The following GRIA1 variants were observed in gnomAD, a reference collection of about 807,000 sequenced individuals.
GRIA1 encodes the protein glutamate receptor 1.
GRIA1 carries 31 observed loss-of-function variants against 99.2 expected under a neutral mutation model. The ratio of observed to expected loss-of-function variants is 0.31; its 90% CI spans 0.23 to 0.42. The LOEUF (loss-of-function observed/expected upper bound fraction) is 0.42. GRIA1 is among the 10% of genes least tolerant of loss of function. The probability of loss-of-function intolerance (pLI) is 1.00; values close to 1 mark genes in which losing one functional copy is unlikely to be tolerated. For synonymous variants in GRIA1, 438 were observed against 432.4 expected (o/e 1.01, Z -0.16); for missense variants, 782 against 1,157.5 (o/e 0.68, Z 4.71).
chr5:153,516,500 A>C (rs888291712), intron 2 of GRIA1, among the ~76,000 whole-genome samples: 4 of 152,008 alleles, frequency 2.6e-5, no homozygotes, highest in African/African-American at 9.7e-5. Context: ...TGATCCTAAA[A>C]ACACCACACA....
In GRIA1 at chr5:153,737,782, G is replaced by A. The variant is rs145547489; in HGVS notation, c.1824-26652G>A. On this transcript the variant is annotated intron_variant, in intron 11 of 15. Transcript: ENST00000285900. ...TATTCCTTCTTGTGTTTTACATACA[G>A]ATGGGGAAACAGGCTTGAAATGAAG... 8.5e-3 allele frequency among the ~76,000 whole-genome samples: 1,295 copies of A among 152,274 alleles called. 7 individuals carry two copies. The highest frequency in any genetic ancestry group is 0.014 in the South Asian group (67 of 4,830).
intron 11 of GRIA1, among the ~76,000 whole-genome samples, chr5:153,747,600 G>A (rs1255115589): frequency 2.0e-5 from 3 of 152,200 alleles, no homozygotes; most frequent in African/African-American, 4.8e-5. Context: ...TATGTTTGGG[G>A]CAAAGTGAAA....
In GRIA1 at chr5:153,770,335, A is replaced by T; in HGVS notation, c.2190A>T (p.Lys730Asn). The T allele has an allele frequency of 6.2e-7, 1 of 1,613,890 alleles. No individual in the cohort carries two copies. The highest frequency in any genetic ancestry group is 8.5e-7 in the Non-Finnish European group (1 of 1,179,878). ...STMNEYIEQR[K>N]PCDTMKVGGN... Reference sequence around the variant, plus strand: ...TGAATGAGTACATTGAGCAGCGGAAACCCTGTGACACCATGAAGGTGGGAG... The same window carrying T: ...TGAATGAGTACATTGAGCAGCGGAATCCCTGTGACACCATGAAGGTGGGAG... Residue 730 changes from lysine (K) to asparagine (N), a missense_variant, in exon 13 of 16, where the codon AAA becomes AAT. Physicochemically the swap from Lys to Asn is moderately conservative, Grantham distance 94 (BLOSUM62 0). Around this residue, in one of 5 missense-constraint regions of GRIA1, gnomAD observed 119 missense variants for 326.6 expected, o/e 0.36. Transcript: ENST00000285900.
intron 2 of GRIA1, among the ~76,000 whole-genome samples, chr5:153,496,827 G>A (rs894155249): frequency 8.5e-5 from 13 of 152,068 alleles, no homozygotes; most frequent in Non-Finnish European, 1.6e-4. Flanking sequence ...ATTAGTAGTT[G>A]CCTTAAATTA....
At chr5:153,765,922 T>C (rs1763487449) in intron 12 of GRIA1, among the ~76,000 whole-genome samples, 1 of 152,156 alleles carries the variant, frequency 6.6e-6, no homozygotes, top group African/African-American at 2.4e-5. Context: ...AGCTAATTAG[T>C]AGCAGAAGGA....
intron 2 of GRIA1, among the ~76,000 whole-genome samples, chr5:153,636,742 T>C (rs765203434): frequency 2.4e-4 from 37 of 152,258 alleles, no homozygotes; most frequent in Non-Finnish European, 4.8e-4. Flanking sequence ...ATAAACATTG[T>C]ATCCCCACCC....
chr5:153,592,499 G>A (rs1764059905), intron 2 of GRIA1, among the ~76,000 whole-genome samples: 1 of 152,206 alleles, frequency 6.6e-6, no homozygotes, highest in South Asian at 2.1e-4. Context: ...TCACTAGTTG[G>A]TAGGACAAGG....
intron 13 of GRIA1, among the ~76,000 whole-genome samples, chr5:153,790,056 G>T (rs1351622277): frequency 1.3e-5 from 2 of 152,196 alleles, no homozygotes; most frequent in Non-Finnish European, 2.9e-5. Flanking sequence ...AGGGCTAGTT[G>T]TAGTTAGTTG....
At chr5:153,549,035 A>G (rs1009796344) in intron 2 of GRIA1, among the ~76,000 whole-genome samples, 9 of 152,318 alleles carry the variant, frequency 5.9e-5, no homozygotes, top group East Asian at 3.9e-4. Flanking sequence ...ACTTGAGTAA[A>G]TACTATACAA....
Position 153,811,108 on chromosome 5 carries a change from C to G in GRIA1, c.2604C>G (p.Ser868Arg), listed in dbSNP as rs1269283691. 1 of 1,613,768 alleles carries G rather than the reference C, an allele frequency of 6.2e-7. No individual in the cohort carries two copies. The highest frequency in any genetic ancestry group is 1.3e-5 in the African/African-American group (1 of 74,932). The change falls in exon 16 of 16, where the codon AGC (serine) becomes AGG (arginine). Residue 868 changes from serine to arginine, a missense_variant. Coordinates refer to ENST00000285900, the MANE Select transcript of GRIA1 (RefSeq NM_000827.4). ...TLPRNSGAGA[S>R]SGGSGENGRV... Reference sequence around the variant, plus strand: ...CCCGCAACAGCGGGGCAGGAGCCAGCAGCGGCGGCAGTGGAGAGAATGGTC... The same window carrying G: ...CCCGCAACAGCGGGGCAGGAGCCAGGAGCGGCGGCAGTGGAGAGAATGGTC...
chr5:153,606,573 C>T (rs1045790939), intron 2 of GRIA1, among the ~76,000 whole-genome samples: 1 of 151,686 alleles, frequency 6.6e-6, no homozygotes, highest in Middle Eastern at 3.4e-3. Context: ...TTATTTTTTT[C>T]AGTAATATTT....
Position 153,775,742 on chromosome 5 carries a change from C to T in GRIA1, c.2270+5327C>T, listed in dbSNP as rs951991489. On this transcript the variant is annotated intron_variant, in intron 13 of 15. Transcript: ENST00000285900. ...TTATCCTACCAATGCCATAAGAGAG[C>T]CAGAAACACTCAAAAAAAAAAAAAA... Among the ~76,000 whole-genome samples the T allele has an allele frequency of 6.3e-5, 9 of 143,232 alleles. 1 individual carries two copies. The highest frequency in any genetic ancestry group is 2.4e-4 in the African/African-American group (9 of 37,872). The allele number at this position is 143,232 out of a possible 152,430, so 94.0% of individuals were successfully genotyped here.
chr5:153,741,216 C>T (rs375493198), intron 11 of GRIA1, among the ~76,000 whole-genome samples: 11 of 151,298 alleles, frequency 7.3e-5, no homozygotes, highest in Non-Finnish European at 1.2e-4. Context: ...CCTAGTGATC[C>T]GCCCACCTCG....
intron 5 of GRIA1, 149 bp downstream of exon 5, chr5:153,656,021 A>G (rs1331926536): frequency 1.5e-6 from 1 of 663,260 alleles, no homozygotes; most frequent in African/African-American, 1.8e-5. Context: ...CTACATTTTT[A>G]TCTTCTCCAC....
intron 8 of GRIA1, among the ~76,000 whole-genome samples, chr5:153,696,189 G>A (rs893905874): frequency 2.0e-5 from 3 of 152,148 alleles, no homozygotes; most frequent in South Asian, 2.1e-4. Flanking sequence ...TCCACGTCTC[G>A]CTTTCTGCAT....
chr5:153,571,749 AT>A (rs144099324), intron 2 of GRIA1, among the ~76,000 whole-genome samples: 1,886 of 152,308 alleles, frequency 0.012, 28 homozygotes, highest in African/African-American at 0.038. Context: ...AAAGCATATT[AT>A]TTTATTAAAA....
chr5:153,665,252 C>A (rs2149475544), intron 5 of GRIA1, among the ~76,000 whole-genome samples: 1 of 152,332 alleles, frequency 6.6e-6, no homozygotes. Flanking sequence ...GTTTGTGAGA[C>A]CCTGACTGAC....
Position 153,675,859 on chromosome 5 carries a change from A to ATT in GRIA1, c.862-1121_862-1120dup, listed in dbSNP as rs11409143. Among the ~76,000 whole-genome samples, 603 of 145,664 alleles carry ATT rather than the reference A, an allele frequency of 4.1e-3. 2 individuals carry two copies. The highest frequency in any genetic ancestry group is 0.012 in the African/African-American group (472 of 39,490). Reference sequence around the variant, plus strand: ...GACAAAAATAACCAAATGTAATTTAATTTTTTTTTTTTTTTGAGATGGAGT... The same window carrying ATT: ...GACAAAAATAACCAAATGTAATTTAATTTTTTTTTTTTTTTTTGAGATGGAGT... On this transcript the variant is annotated intron_variant, in intron 6 of 15. Transcript: ENST00000285900.
intron 12 of GRIA1, among the ~76,000 whole-genome samples, chr5:153,767,620 C>T (rs539987551): frequency 4.5e-4 from 68 of 152,214 alleles, no homozygotes; most frequent in Non-Finnish European, 7.2e-4. Context: ...TACCTACCAC[C>T]CCCACAAGGC....
Sources: allele counts gnomAD v4.1 joint callset (sites outside exome capture counted in the v4.1 genomes callset), GRCh38; gene constraint gnomAD v4.1.1; regional missense constraint gnomAD v4.1.1; transcripts MANE v1.5; gene names NCBI Gene and HGNC (gene_info 2026-07-23, HGNC 2026-07-21).